TFEC: variants seen among roughly 807,000 people sequenced by gnomAD.
TFEC encodes the protein transcription factor EC, also known as class E basic helix-loop-helix protein 34.
Under a neutral mutation model 41.6 loss-of-function variants are expected in TFEC, and 31 were observed. The ratio of observed to expected loss-of-function variants is 0.74; its 90% CI spans 0.56 to 1.01. TFEC has a LOEUF of 1.01. Among genes scored for constraint, TFEC ranks in the 50% least tolerant of loss-of-function variants. TFEC has a pLI of 0.00. For synonymous variants in TFEC, 143 were observed against 140.6 expected, an observed-to-expected ratio of 1.02 and a Z score of -0.12; for missense variants, 402 against 404.1, an observed-to-expected ratio of 0.99 and a Z score of 0.04.
At chr7:115,985,471 C>T (rs1281736112) in intron 1 of TFEC, among the ~76,000 whole-genome samples, 1 of 152,048 alleles carries the variant, frequency 6.6e-6, no homozygotes, top group Non-Finnish European at 1.5e-5. Context: ...TAATATTTCC[C>T]TCATGTTAAA....
At chr7:116,043,753 G>C (rs1480518292) in intron 3 of TFEC, among the ~76,000 whole-genome samples, 1 of 152,130 alleles carries the variant, frequency 6.6e-6, no homozygotes, top group Non-Finnish European at 1.5e-5. Context: ...CTCCTACCAA[G>C]AAATGTCATG....
intron 1 of TFEC, among the ~76,000 whole-genome samples, chr7:116,001,284 T>C (rs1427036087): frequency 6.6e-6 from 1 of 152,078 alleles, no homozygotes; most frequent in African/African-American, 2.4e-5. Context: ...CTATCTCTTA[T>C]CATATGCAAA....
intron 6 of TFEC, among the ~76,000 whole-genome samples, chr7:115,945,332 T>A (rs766814825): frequency 6.6e-6 from 1 of 151,570 alleles, no homozygotes; most frequent in Non-Finnish European, 1.5e-5. Context: ...GACAAATGGA[T>A]CCAGAATAAT....
At chr7:116,151,525 G>A (rs1197504959) in intron 1 of TFEC, among the ~76,000 whole-genome samples, 2 of 152,118 alleles carry the variant, frequency 1.3e-5, no homozygotes, top group South Asian at 2.1e-4. Flanking sequence ...TTACAGGCAT[G>A]AGCCACTGTG....
chr7:116,105,467 C>G (rs1797695929), intron 3 of TFEC, among the ~76,000 whole-genome samples: 1 of 152,186 alleles, frequency 6.6e-6, no homozygotes, highest in African/African-American at 2.4e-5. Flanking sequence ...GAAACATACA[C>G]AGGAGAAGCA....
intron 1 of TFEC, among the ~76,000 whole-genome samples, chr7:116,145,600 A>G (rs1273821242): frequency 6.6e-6 from 1 of 152,220 alleles, no homozygotes; most frequent in Non-Finnish European, 1.5e-5. Flanking sequence ...AGAAGCCAAA[A>G]AGAAACTTTT....
At position 115,984,423 on chromosome 7, in the gene TFEC, T is replaced by C; in HGVS notation, c.19A>G (p.Ile7Val). The part of the protein sequence containing the change: MTLDHQ[I>V]INPTLKWSQP... ...GACCATTTAAGAGTTGGATTGATGATCTGATGATCAAGGGTCATGAAAGAG... is the reference window on the plus strand; with the variant it reads ...GACCATTTAAGAGTTGGATTGATGACCTGATGATCAAGGGTCATGAAAGAG... The change falls in exon 2 of 8, where the codon ATC (isoleucine) becomes GTC (valine). Residue 7 changes from isoleucine to valine, a missense_variant. Coordinates refer to ENST00000265440, the MANE Select transcript of TFEC (RefSeq NM_012252.4). 1 of 1,614,128 alleles carries C rather than the reference T, an allele frequency of 6.2e-7. No homozygotes were observed. The highest frequency in any genetic ancestry group is 1.1e-5 in the South Asian group (1 of 91,090).
At chr7:116,048,385 T>C (rs556549693) in intron 3 of TFEC, among the ~76,000 whole-genome samples, 16 of 152,324 alleles carry the variant, frequency 1.1e-4, no homozygotes, top group African/African-American at 3.8e-4. Context: ...TTATCAGTGA[T>C]TGAAGATCAA....
At position 116,000,205 on chromosome 7, in the gene TFEC, C is replaced by T. The variant is rs557168141; in HGVS notation, c.-72-15692G>A. The stretch of plus-strand genomic sequence containing the variant: ...TACATCATATCAACAGAATGAAGAA[C>T]AAAGACCACATGATCATTTCAATTG... On this transcript the variant is annotated intron_variant, in intron 1 of 7. Coordinates refer to ENST00000265440, the MANE Select transcript of TFEC (RefSeq NM_012252.4). Among the ~76,000 whole-genome samples, 4 of 152,124 alleles carry T rather than the reference C, an allele frequency of 2.6e-5. No individual in the cohort carries two copies. In the South Asian group the frequency reaches 8.3e-4, roughly 32 times the overall value.
chr7:116,107,203 C>A (rs142673483), intron 3 of TFEC, among the ~76,000 whole-genome samples: 1 of 152,116 alleles, frequency 6.6e-6, no homozygotes, highest in Non-Finnish European at 1.5e-5. Flanking sequence ...AGATAACTGC[C>A]TGGCTTATGC....
At chr7:116,070,189 G>A (rs1447996366) in intron 3 of TFEC, among the ~76,000 whole-genome samples, 1 of 151,086 alleles carries the variant, frequency 6.6e-6, no homozygotes, top group Non-Finnish European at 1.5e-5. Flanking sequence ...TATAAATGCA[G>A]CTATTTTCAA....
At chr7:116,016,768 T>C (rs992278242) in intron 1 of TFEC, among the ~76,000 whole-genome samples, 3 of 151,990 alleles carry the variant, frequency 2.0e-5, no homozygotes, top group Admixed American at 6.6e-5. Flanking sequence ...GCATATCTTA[T>C]ATAGGACACC....
At chr7:116,138,358 T>C (rs1288918959) in intron 1 of TFEC, among the ~76,000 whole-genome samples, 3 of 152,184 alleles carry the variant, frequency 2.0e-5, no homozygotes, top group Non-Finnish European at 4.4e-5. Flanking sequence ...GTATACAGTT[T>C]AATGTTCCAT....
At position 115,949,064 on chromosome 7, in the gene TFEC, C is replaced by G. The variant is rs555158795; in HGVS notation, c.515+1810G>C. Among the ~76,000 whole-genome samples the G allele has an allele frequency of 4.6e-5, 7 of 152,156 alleles. No homozygotes were observed. The South Asian group carries it at 1.5e-3, about 32-fold the overall frequency. On this transcript the variant is annotated intron_variant, in intron 6 of 7. Transcript: ENST00000265440. ...TTCTTATACACAAATAACAGACAAA[C>G]GGAGAGCCAAATCATGAGTGAACTC...
chr7:116,019,164 A>G (rs1019012400), intron 1 of TFEC, among the ~76,000 whole-genome samples: 1 of 152,174 alleles, frequency 6.6e-6, no homozygotes, highest in Non-Finnish European at 1.5e-5. Context: ...GCTATGGTCC[A>G]GCCAAAAACA....
intron 1 of TFEC, among the ~76,000 whole-genome samples, chr7:116,122,694 C>T (rs780279343): frequency 3.3e-5 from 5 of 151,982 alleles, no homozygotes; most frequent in African/African-American, 1.2e-4. Context: ...TGAACTCCAG[C>T]ATATAAGAAG....
rs75960352 is a variant in TFEC, at chr7:115,995,421, G to T, written c.-72-10908C>A. Among the ~76,000 whole-genome samples, 1,468 of 152,010 alleles carry T rather than the reference G, an allele frequency of 9.7e-3. 23 individuals are homozygous for T. The highest frequency in any genetic ancestry group is 0.033 in the African/African-American group (1,383 of 41,458). ...TATACACACATATATATATGCTTAC[G>T]TATGCTTATATAATAATTAAAATTA... On this transcript the variant is annotated intron_variant, in intron 1 of 7. Transcript: ENST00000265440.
intron 3 of TFEC, among the ~76,000 whole-genome samples, chr7:116,044,277 C>A (rs1796109601): frequency 6.6e-6 from 1 of 152,108 alleles, no homozygotes; most frequent in African/African-American, 2.4e-5. Flanking sequence ...AGCTACCAGG[C>A]AAGCTAATAA....
At chr7:116,098,867 A>AAACGAAGGAAGG (rs1208332693) in intron 3 of TFEC, among the ~76,000 whole-genome samples, 1 of 115,042 alleles carries the variant, frequency 8.7e-6, no homozygotes, top group Admixed American at 9.4e-5. Flanking sequence ...GAGAGGAAGA[A>AAACGAAGGAAGG]AAGGAAGGAA....
Sources: allele counts gnomAD v4.1 joint callset (sites outside exome capture counted in the v4.1 genomes callset), GRCh38; gene constraint gnomAD v4.1.1; transcripts MANE v1.5; gene names NCBI Gene and HGNC (gene_info 2026-07-23, HGNC 2026-07-21).